The following SMARCA5 variants were observed in gnomAD, a reference collection of about 807,000 sequenced individuals.
The protein encoded by SMARCA5 is SNF2 related chromatin remodeling ATPase 5.
Under a neutral mutation model 140.4 loss-of-function variants are expected in SMARCA5, and 18 were observed. That is an observed-to-expected ratio of 0.13 (90% CI 0.09 to 0.19). SMARCA5 has a LOEUF of 0.19. Among genes scored for constraint, SMARCA5 ranks in the 10% least tolerant of loss-of-function variants. SMARCA5 has a pLI of 1.00. For synonymous variants in SMARCA5, 449 were observed against 419.6 expected, an observed-to-expected ratio of 1.07 and a Z score of -0.86; for missense variants, 606 against 1,276.8, an observed-to-expected ratio of 0.47 and a Z score of 8.01.
Position 143,543,979 on chromosome 4 carries a change from T to C in SMARCA5, c.2172+7T>C. On this transcript the variant is annotated splice_region_variant and intron_variant, in intron 16 of 23. Transcript: ENST00000283131. ...CTATAGAGAAAAACAAAAGGTAATT[T>C]AGAAATAGGTTTGGGTTACATGAAA... is the stretch of plus-strand genomic sequence containing the variant. 1 of 1,547,644 alleles carries C rather than the reference T, an allele frequency of 6.5e-7. No individual in the cohort carries two copies. Among genetic ancestry groups the C allele is most frequent in the Non-Finnish European group, 8.7e-7 (1 of 1,147,774 alleles).
chr4:143,546,088 T>G, intron 19 of SMARCA5, 41 bp downstream of exon 19: 2 of 1,486,152 alleles, frequency 1.3e-6, no homozygotes, highest in Non-Finnish European at 1.8e-6. Context: ...AACAGTTTGT[T>G]GTAAAGGACT....
At chr4:143,516,086 A>G (rs1578788513) in intron 1 of SMARCA5, among the ~76,000 whole-genome samples, 1 of 151,836 alleles carries the variant, frequency 6.6e-6, no homozygotes, top group Admixed American at 6.6e-5. Context: ...TGCTTAATAT[A>G]TATGTCACAA....
At chr4:143,534,282 GC>G (rs1266955597) in intron 9 of SMARCA5, among the ~76,000 whole-genome samples, 1 of 152,000 alleles carries the variant, frequency 6.6e-6, no homozygotes, top group Non-Finnish European at 1.5e-5. Context: ...TCTGAGGTAT[GC>G]CTTTATTGAA....
At chr4:143,523,246 C>T (rs1223348604) in intron 3 of SMARCA5, among the ~76,000 whole-genome samples, 1 of 152,022 alleles carries the variant, frequency 6.6e-6, no homozygotes, top group Non-Finnish European at 1.5e-5. Flanking sequence ...AGGCTAGTCT[C>T]GAACTTCTGA....
chr4:143,543,228 A>G (rs1247394526), intron 14 of SMARCA5, among the ~76,000 whole-genome samples: 2 of 152,220 alleles, frequency 1.3e-5, no homozygotes, highest in Admixed American at 6.5e-5. Flanking sequence ...AAAATTTTTC[A>G]TATGCAGCTT....
intron 10 of SMARCA5, among the ~76,000 whole-genome samples, chr4:143,535,663 CAA>C (rs1182243420): frequency 2.0e-5 from 3 of 152,196 alleles, no homozygotes; most frequent in Admixed American, 6.5e-5. Context: ...TAAGGAAAGA[CAA>C]ATCTTTTTTA....
In SMARCA5 at chr4:143,543,850, T is replaced by C; in HGVS notation, c.2053-3T>C. The C allele has an allele frequency of 1.3e-6, 2 of 1,599,132 alleles. No individual in the cohort carries two copies. Among genetic ancestry groups the C allele is most frequent in the Non-Finnish European group, 1.7e-6 (2 of 1,176,112 alleles). On this transcript the variant is annotated splice_region_variant and splice_polypyrimidine_tract_variant and intron_variant, in intron 15 of 23. Coordinates refer to ENST00000283131, the MANE Select transcript of SMARCA5 (RefSeq NM_003601.4). Reference sequence around the variant, plus strand: ...CTAAGAAGCTGATTGTTTTGTTCTCTAGACTGCAGAGATGAATGAAAAGCT... The same window carrying C: ...CTAAGAAGCTGATTGTTTTGTTCTCCAGACTGCAGAGATGAATGAAAAGCT...
At chr4:143,533,747 T>A (rs1336106565) in intron 9 of SMARCA5, among the ~76,000 whole-genome samples, 1 of 152,156 alleles carries the variant, frequency 6.6e-6, no homozygotes, top group Non-Finnish European at 1.5e-5. Context: ...GACCTTGTGA[T>A]CTGCCTGCCT....
In SMARCA5 at chr4:143,513,819, G is replaced by T; in HGVS notation, c.-106G>T. 7.6e-7 allele frequency: 1 copy of T among 1,316,968 alleles called. No homozygotes were observed. The highest frequency in any genetic ancestry group is 1.0e-6 in the Non-Finnish European group (1 of 977,056). 81.6% of individuals were successfully genotyped at this position (1,316,968 alleles called of 1,614,324 possible). A position where few individuals can be genotyped will look rare whatever the true frequency, so the allele number is the denominator to read the frequency against. The stretch of plus-strand genomic sequence containing the variant: ...AGGGGAGCGCTCGGGTGGGAGTCTC[G>T]CTCCTCCACCAGTTTATTGCGACGT... On this transcript the variant is annotated 5_prime_UTR_variant, in exon 1 of 24. Transcript: ENST00000283131.
In SMARCA5 at chr4:143,530,542, T is replaced by C; in HGVS notation, c.1158+16T>C. The C allele has an allele frequency of 6.4e-7, 1 of 1,562,636 alleles. No homozygotes were observed. Among genetic ancestry groups the C allele is most frequent in the Non-Finnish European group, 8.8e-7 (1 of 1,135,896 alleles). On this transcript the variant is annotated intron_variant, in intron 9 of 23. Transcript: ENST00000283131. ...GCTTCATATGGTAAGTATTTTGGAG[T>C]AGTGTTAAAGCATATTTATGATGGG...
At chr4:143,549,238 T>A (rs1737593447) in intron 22 of SMARCA5, among the ~76,000 whole-genome samples, 1 of 152,040 alleles carries the variant, frequency 6.6e-6, no homozygotes, top group Admixed American at 6.6e-5. Context: ...TATCTCTATA[T>A]ACTATTTCTA....
chr4:143,514,119 C>A lies in SMARCA5; in HGVS notation c.177+18C>A. The A allele has an allele frequency of 6.6e-7, 1 of 1,517,470 alleles. No homozygotes were observed. Among genetic ancestry groups the A allele is most frequent in the Non-Finnish European group, 8.8e-7 (1 of 1,139,624 alleles). 94.0% of individuals were successfully genotyped at this position (1,517,470 alleles called of 1,614,324 possible). On this transcript the variant is annotated intron_variant, in intron 1 of 23. Coordinates refer to ENST00000283131, the MANE Select transcript of SMARCA5 (RefSeq NM_003601.4). ...AGATGGAGGTGAGGGCGACTTGCGG[C>A]ATGGGGAGCGGGTGCAGCGGGGAGG...
intron 14 of SMARCA5, 32 bp from the exon 15 acceptor site, chr4:143,543,477 A>G (rs369954253): frequency 6.3e-7 from 1 of 1,586,446 alleles, no homozygotes; most frequent in East Asian, 2.3e-5. Context: ...AAGTCTGTTC[A>G]GTTAACATTA....
At chr4:143,536,402 A>G (rs765009746) in intron 10 of SMARCA5, 50 bp from the exon 11 acceptor site, 83 of 1,253,482 alleles carry the variant, frequency 6.6e-5, no homozygotes, top group East Asian at 2.3e-5. Flanking sequence ...AGTGGCAGGG[A>G]TTGATCAAGG....
chr4:143,516,967 A>T (rs1736854659), intron 1 of SMARCA5, among the ~76,000 whole-genome samples: 1 of 152,232 alleles, frequency 6.6e-6, no homozygotes, highest in Admixed American at 6.5e-5. Context: ...GTGGTAGCAC[A>T]GTAGATACTG....
chr4:143,523,706 T>C (rs1204801381), intron 3 of SMARCA5, among the ~76,000 whole-genome samples: 3 of 152,208 alleles, frequency 2.0e-5, no homozygotes, highest in Non-Finnish European at 4.4e-5. Context: ...AGTTACAAAT[T>C]AGATTCAGCG....
chr4:143,536,115 AT>A (rs1737297223), intron 10 of SMARCA5, among the ~76,000 whole-genome samples: 1 of 152,180 alleles, frequency 6.6e-6, no homozygotes, highest in African/African-American at 2.4e-5. Flanking sequence ...AACTAAAATT[AT>A]GTTTAAAACT....
At chr4:143,538,460 A>AT in intron 11 of SMARCA5, 130 bp from the exon 12 acceptor site, 2 of 709,552 alleles carry the variant, frequency 2.8e-6, no homozygotes, top group East Asian at 2.5e-5. Flanking sequence ...TAATGTGTAG[A>AT]TTTTTTTCCC....
chr4:143,550,487 A>G (rs894103288), intron 23 of SMARCA5, among the ~76,000 whole-genome samples: 6 of 151,950 alleles, frequency 3.9e-5, no homozygotes, highest in African/African-American at 1.4e-4. Flanking sequence ...GTATAATTAA[A>G]TTATTTATTG....
Sources: allele counts gnomAD v4.1 joint callset (sites outside exome capture counted in the v4.1 genomes callset), GRCh38; gene constraint gnomAD v4.1.1; transcripts MANE v1.5; gene names NCBI Gene and HGNC (gene_info 2026-07-23, HGNC 2026-07-21).